TNFSF4: variants seen among roughly 807,000 people sequenced by gnomAD.
TNFSF4 encodes TNF superfamily member 4, also known as tumor necrosis factor ligand superfamily member 4.
In TNFSF4, 4 loss-of-function variants were observed where a neutral mutation model predicts 7.3. That is an observed-to-expected ratio of 0.55 (90% CI 0.27 to 1.25). The LOEUF (loss-of-function observed/expected upper bound fraction) is 1.25, where lower values mean the gene tolerates loss of function less well. TNFSF4 is among the 50% of genes most tolerant of loss of function. TNFSF4 has a pLI of 0.12. For synonymous variants in TNFSF4, 76 were observed against 83.7 expected (o/e 0.91, Z 0.50); for missense variants, 181 against 208.8 (o/e 0.87, Z 0.82).
At chr1:173,241,106 C>T in the TNFSF4 span, among the ~76,000 whole-genome samples, 2 of 152,128 alleles carry the variant, frequency 1.3e-5, no homozygotes, top group Admixed American at 1.3e-4. Flanking sequence ...ACACATACTT[C>T]CTATTTCTAC....
the TNFSF4 span, among the ~76,000 whole-genome samples, chr1:173,384,514 G>A: frequency 1.3e-5 from 2 of 151,926 alleles, no homozygotes; most frequent in Non-Finnish European, 2.9e-5. Flanking sequence ...CAAATTCTAG[G>A]AACCATCCTT....
At chr1:173,195,042 T>C (rs1649641748) in intron 1 of TNFSF4, among the ~76,000 whole-genome samples, 1 of 152,166 alleles carries the variant, frequency 6.6e-6, no homozygotes, top group African/African-American at 2.4e-5. Context: ...AAATAAAAAT[T>C]AGTGCTGCTA....
the TNFSF4 span, among the ~76,000 whole-genome samples, chr1:173,319,991 G>A: frequency 6.6e-6 from 1 of 152,034 alleles, no homozygotes; most frequent in South Asian, 2.1e-4. Flanking sequence ...GCACAAAACT[G>A]GATGGAGATA....
At chr1:173,245,506 G>A in the TNFSF4 span, among the ~76,000 whole-genome samples, 1 of 152,118 alleles carries the variant, frequency 6.6e-6, no homozygotes, top group South Asian at 2.1e-4. Context: ...GGTACAGCGT[G>A]ATGTTTCCAT....
chr1:173,419,343 GAAAAAAAAA>G, the TNFSF4 span, among the ~76,000 whole-genome samples: 1 of 115,820 alleles, frequency 8.6e-6, no homozygotes, highest in Non-Finnish European at 1.8e-5. Context: ...CTCCGTCTCA[GAAAAAAAAA>G]AAAAAAAGAA....
chr1:173,448,423 G>A, the TNFSF4 span, among the ~76,000 whole-genome samples: 190 of 152,090 alleles, frequency 1.2e-3, no homozygotes, highest in Admixed American at 8.3e-3. Context: ...TTTTTCATGC[G>A]CGTCCATGTG....
chr1:173,182,834 A>G (rs1324789590), downstream of TNFSF4, among the ~76,000 whole-genome samples: 2 of 152,170 alleles, frequency 1.3e-5, no homozygotes, highest in Admixed American at 1.3e-4. Context: ...GGACTTCAGC[A>G]GTGAGTTTGT....
chr1:173,214,969 G>T, the TNFSF4 span, among the ~76,000 whole-genome samples: 2 of 152,114 alleles, frequency 1.3e-5, no homozygotes, highest in African/African-American at 4.8e-5. Flanking sequence ...TGGTGTTATG[G>T]CCTGAATGTT....
the TNFSF4 span, among the ~76,000 whole-genome samples, chr1:173,177,826 T>A: frequency 6.6e-6 from 1 of 152,042 alleles, no homozygotes; most frequent in African/African-American, 2.4e-5. Context: ...AAGTAATAAG[T>A]GCCATTAAAG....
the TNFSF4 span, among the ~76,000 whole-genome samples, chr1:173,320,425 G>A: frequency 8.6e-4 from 131 of 152,246 alleles, no homozygotes; most frequent in African/African-American, 3.1e-3. Context: ...ACTGGCACAA[G>A]GATGCCCTCT....
the TNFSF4 span, among the ~76,000 whole-genome samples, chr1:173,287,320 GCAAGACCCTGACT>G: frequency 2.0e-5 from 3 of 152,150 alleles, no homozygotes; most frequent in Non-Finnish European, 4.4e-5. Context: ...GGATTGCAAA[GCAAGACCCTGACT>G]CAAAAATAAA....
At position 173,186,953 on chromosome 1, in the gene TNFSF4, G is replaced by A. The variant is rs555976244; in HGVS notation, c.203-88C>T. 517 of 883,064 alleles carry A rather than the reference G, an allele frequency of 5.9e-4. 1 individual carries two copies. The African/African-American group carries it at 8.2e-3, about 14-fold the overall frequency. The allele number at this position is 883,064 out of a possible 1,614,324, so 54.7% of individuals were successfully genotyped here. A position where few individuals can be genotyped will look rare whatever the true frequency, so the allele number is the denominator to read the frequency against. On this transcript the variant is annotated intron_variant, in intron 2 of 2. Transcript: ENST00000281834. ...TCCAATACATCTGGAATCAGATGAA[G>A]AGAAAGTGATAGGGAGAGATTTTGA...
the TNFSF4 span, among the ~76,000 whole-genome samples, chr1:173,421,779 G>GA: frequency 4.6e-5 from 7 of 151,998 alleles, no homozygotes; most frequent in Admixed American, 4.6e-4. Context: ...AAATACAACA[G>GA]TCCATCCCAA....
At chr1:173,318,604 G>C in the TNFSF4 span, among the ~76,000 whole-genome samples, 1 of 152,088 alleles carries the variant, frequency 6.6e-6, no homozygotes, top group South Asian at 2.1e-4. Context: ...CTAAAATATT[G>C]GAATATATTT....
At chr1:173,264,170 G>T in the TNFSF4 span, among the ~76,000 whole-genome samples, 1 of 151,966 alleles carries the variant, frequency 6.6e-6, no homozygotes, top group African/African-American at 2.4e-5. Flanking sequence ...TTGAGACAGG[G>T]TATTATTCTG....
the TNFSF4 span, among the ~76,000 whole-genome samples, chr1:173,240,546 A>G: frequency 6.6e-6 from 1 of 152,180 alleles, no homozygotes; most frequent in Non-Finnish European, 1.5e-5. Context: ...TTTAACTGAT[A>G]CTGAGAATCT....
the TNFSF4 span, among the ~76,000 whole-genome samples, chr1:173,405,041 T>C: frequency 6.6e-6 from 1 of 152,240 alleles, no homozygotes; most frequent in African/African-American, 2.4e-5. Flanking sequence ...TAACATGCTA[T>C]ATATAATTTA....
chr1:173,281,581 T>A, the TNFSF4 span, among the ~76,000 whole-genome samples: 1,370 of 152,258 alleles, frequency 9.0e-3, 20 homozygotes, highest in African/African-American at 0.031. Flanking sequence ...ATATTATGAC[T>A]GAAATATGCT....
At chr1:173,380,059 A>G in the TNFSF4 span, among the ~76,000 whole-genome samples, 1 of 152,188 alleles carries the variant, frequency 6.6e-6, no homozygotes, top group Non-Finnish European at 1.5e-5. Context: ...CCTCCTGGAC[A>G]CTGGCGTGGC....
Sources: allele counts gnomAD v4.1 joint callset (sites outside exome capture counted in the v4.1 genomes callset), GRCh38; gene constraint gnomAD v4.1.1; transcripts MANE v1.5; gene names NCBI Gene and HGNC (gene_info 2026-07-23, HGNC 2026-07-21).